FSTL5: variants seen among roughly 807,000 people sequenced by gnomAD.
FSTL5 encodes the protein follistatin like 5.
A neutral mutation model predicts 89.1 loss-of-function variants in FSTL5; 62 were observed. The ratio of observed to expected loss-of-function variants is 0.70; its 90% confidence interval spans 0.57 to 0.86. The LOEUF (loss-of-function observed/expected upper bound fraction) is 0.86, where lower values mean the gene tolerates loss of function less well. FSTL5 is among the 40% of genes least tolerant of loss of function. The pLI is 0.00. For synonymous variants in FSTL5, 383 were observed against 346.2 expected, an observed-to-expected ratio of 1.11 and a Z score of -1.18; for missense variants, 1,057 against 1,001.6, an observed-to-expected ratio of 1.06 and a Z score of -0.75.
At chr4:161,518,307 T>C (rs1395319761) in intron 10 of FSTL5, among the ~76,000 whole-genome samples, 1 of 152,098 alleles carries the variant, frequency 6.6e-6, no homozygotes, top group Non-Finnish European at 1.5e-5. Flanking sequence ...GGGAGGTAAC[T>C]GGAATCAAGA....
intron 15 of FSTL5, among the ~76,000 whole-genome samples, chr4:161,443,251 T>C (rs1252208568): frequency 6.6e-6 from 1 of 151,956 alleles, no homozygotes; most frequent in Admixed American, 6.6e-5. Flanking sequence ...CAAATTTGTC[T>C]AGGATTATGT....
At chr4:161,619,947 C>T (rs1224442493) in intron 7 of FSTL5, among the ~76,000 whole-genome samples, 4 of 151,910 alleles carry the variant, frequency 2.6e-5, no homozygotes, top group Non-Finnish European at 5.9e-5. Flanking sequence ...CCCAAATGTC[C>T]AACAACGATA....
At chr4:161,612,614 T>C (rs1734690952) in intron 7 of FSTL5, among the ~76,000 whole-genome samples, 1 of 152,214 alleles carries the variant, frequency 6.6e-6, no homozygotes, top group Non-Finnish European at 1.5e-5. Flanking sequence ...TGTAATTCAC[T>C]TGGGGATGAG....
chr4:161,437,494 G>A (rs957296877), intron 15 of FSTL5, among the ~76,000 whole-genome samples: 2 of 143,126 alleles, frequency 1.4e-5, no homozygotes, highest in African/African-American at 5.2e-5. Context: ...GTGAAACCGG[G>A]AGGCGGAGCT....
At chr4:161,738,312 G>A (rs554521820) in intron 6 of FSTL5, among the ~76,000 whole-genome samples, 118 of 152,098 alleles carry the variant, frequency 7.8e-4, no homozygotes, top group Middle Eastern at 3.4e-3. Flanking sequence ...CCATCTTATG[G>A]TGCTGGCTTA....
intron 2 of FSTL5, among the ~76,000 whole-genome samples, chr4:162,073,634 T>C (rs1213718804): frequency 2.0e-5 from 3 of 151,874 alleles, no homozygotes; most frequent in East Asian, 3.9e-4. Flanking sequence ...GTATAAAAAA[T>C]ATCTATTGTA....
intron 10 of FSTL5, among the ~76,000 whole-genome samples, chr4:161,529,555 G>C (rs1167462146): frequency 1.4e-5 from 2 of 141,956 alleles, no homozygotes; most frequent in Non-Finnish European, 3.1e-5. Flanking sequence ...TATTAAACAA[G>C]TAATTTGGGG....
chr4:161,578,154 T>A (rs974821211), intron 8 of FSTL5, among the ~76,000 whole-genome samples: 1 of 151,900 alleles, frequency 6.6e-6, no homozygotes, highest in Non-Finnish European at 1.5e-5. Context: ...GAAGAGACAA[T>A]AAATTTCAGA....
chr4:161,386,646 T>A (rs1472669784), intron 15 of FSTL5, 197 bp from the exon 16 acceptor site: 2 of 553,300 alleles, frequency 3.6e-6, no homozygotes, highest in Non-Finnish European at 3.2e-6. Flanking sequence ...TTTCATTACA[T>A]CCAAATCATC....
At chr4:161,936,288 T>C (rs190169503) in intron 3 of FSTL5, among the ~76,000 whole-genome samples, 3 of 152,344 alleles carry the variant, frequency 2.0e-5, no homozygotes, top group Admixed American at 2.0e-4. Context: ...TAAGTGTGTG[T>C]ATGTATGTGT....
chr4:161,900,631 T>C, intron 4 of FSTL5, among the ~76,000 whole-genome samples: 1 of 82,218 alleles, frequency 1.2e-5, no homozygotes, highest in African/African-American at 5.1e-5. Context: ...AGAGCGAGAC[T>C]CCATCTCAAA....
intron 8 of FSTL5, among the ~76,000 whole-genome samples, chr4:161,572,179 C>G (rs1283411383): frequency 6.6e-6 from 1 of 151,736 alleles, no homozygotes; most frequent in East Asian, 1.9e-4. Flanking sequence ...ATTAGCCAGG[C>G]ATGTTGACAG....
chr4:162,088,783 G>C (rs932525383), intron 2 of FSTL5, among the ~76,000 whole-genome samples: 1 of 152,086 alleles, frequency 6.6e-6, no homozygotes, highest in Non-Finnish European at 1.5e-5. Flanking sequence ...CTATAAATGA[G>C]TAACATTTAT....
intron 3 of FSTL5, among the ~76,000 whole-genome samples, chr4:161,969,126 C>A (rs17041801): frequency 2.0e-5 from 3 of 151,826 alleles, no homozygotes; most frequent in African/African-American, 7.3e-5. Context: ...AATTATATAC[C>A]CTACCTAGAT....
At chr4:161,633,505 C>T (rs1735573076) in intron 7 of FSTL5, among the ~76,000 whole-genome samples, 1 of 151,754 alleles carries the variant, frequency 6.6e-6, no homozygotes, top group Admixed American at 6.6e-5. Context: ...CACCACCACA[C>T]CCAGCTAATT....
intron 6 of FSTL5, among the ~76,000 whole-genome samples, chr4:161,735,144 C>T (rs1739766916): frequency 6.6e-6 from 1 of 152,120 alleles, no homozygotes; most frequent in South Asian, 2.1e-4. Flanking sequence ...AATTAATTTG[C>T]TGGAACTGCT....
rs116024336 is a variant in FSTL5, at chr4:161,937,152, A to G, written c.161-16500T>C. ...CAGTTAAAAAATACTGTAAAAACAC[A>G]ACATAACAAAACCTGTAATTTATAT... On this transcript the variant is annotated intron_variant, in intron 3 of 15. Coordinates refer to ENST00000306100, the MANE Select transcript of FSTL5 (RefSeq NM_020116.5). Among the ~76,000 whole-genome samples the G allele has an allele frequency of 3.4e-3, 518 of 152,278 alleles. 3 individuals carry two copies. The highest frequency in any genetic ancestry group is 0.012 in the African/African-American group (498 of 41,564).
At chr4:162,036,990 A>G (rs1353386019) in intron 2 of FSTL5, among the ~76,000 whole-genome samples, 1 of 151,872 alleles carries the variant, frequency 6.6e-6, no homozygotes, top group African/African-American at 2.4e-5. Flanking sequence ...TGGAAACTAA[A>G]GTCCATAGAT....
intron 6 of FSTL5, among the ~76,000 whole-genome samples, chr4:161,707,881 A>C (rs1266391195): frequency 6.6e-6 from 1 of 151,972 alleles, no homozygotes; most frequent in African/African-American, 2.4e-5. Context: ...ATTAAAACAG[A>C]CAAACCAACC....
Sources: gnomAD v4.1 joint callset for allele counts (sites outside exome capture counted in the v4.1 genomes callset) on GRCh38, gnomAD v4.1.1 for gene constraint, MANE v1.5 for transcripts, NCBI Gene and HGNC (gene_info 2026-07-23, HGNC 2026-07-21) for gene names.